The following ACTA2 variants were observed in gnomAD, a reference collection of about 807,000 sequenced individuals.
ACTA2 encodes the protein actin, aortic smooth muscle.
Under a neutral mutation model 39.5 loss-of-function variants are expected in ACTA2, and 12 were observed. The ratio of observed to expected loss-of-function variants is 0.30; its 90% CI spans 0.19 to 0.49. The LOEUF is 0.49. Ranked by LOEUF, ACTA2 falls within the 20% of genes least tolerant of loss-of-function variation. The pLI, the probability that ACTA2 is intolerant of heterozygous loss-of-function variation, is 0.99. For synonymous variants in ACTA2, 158 were observed against 180.6 expected (o/e 0.88, Z 1.00); for missense variants, 236 against 498.8 (o/e 0.47, Z 5.02).
At chr10:88,937,182 GGAGA>G (rs937538711) in intron 8 of ACTA2, among the ~76,000 whole-genome samples, 2 of 146,176 alleles carry the variant, frequency 1.4e-5, no homozygotes, top group African/African-American at 5.1e-5. Context: ...AGCCTATCAT[GGAGA>G]GAGAAAGTGT....
chr10:88,950,580 A>G (rs1185923598), intron 1 of ACTA2, among the ~76,000 whole-genome samples: 1 of 152,248 alleles, frequency 6.6e-6, no homozygotes, highest in African/African-American at 2.4e-5. Flanking sequence ...TCTTCAACTG[A>G]CAAGGAAACC....
intron 3 of ACTA2, among the ~76,000 whole-genome samples, chr10:88,944,725 A>G (rs1040600545): frequency 2.0e-5 from 3 of 152,226 alleles, no homozygotes; most frequent in Non-Finnish European, 2.9e-5. Context: ...TAGTGTGTCT[A>G]TGTGAAGGTA....
At chr10:88,960,204 T>TA (rs1202252801) in intron 1 of ACTA2, among the ~76,000 whole-genome samples, 1 of 152,190 alleles carries the variant, frequency 6.6e-6, no homozygotes, top group Non-Finnish European at 1.5e-5. Context: ...TTATCCAGAA[T>TA]AAAAATCTAT....
chr10:88,940,738 C>G (rs903822491), intron 6 of ACTA2: 9 of 218,836 alleles, frequency 4.1e-5, no homozygotes, highest in African/African-American at 2.0e-4. Flanking sequence ...TACTCTATGT[C>G]AAGTATTCCA....
intron 1 of ACTA2, among the ~76,000 whole-genome samples, chr10:88,986,335 T>C (rs955492140): frequency 5.9e-5 from 9 of 152,276 alleles, no homozygotes; most frequent in African/African-American, 1.9e-4. Context: ...TATGCAAAAA[T>C]GTCAGGGGAG....
intron 1 of ACTA2, among the ~76,000 whole-genome samples, chr10:88,978,588 A>G (rs1308851120): frequency 1.3e-5 from 2 of 152,144 alleles, no homozygotes; most frequent in Non-Finnish European, 2.9e-5. Flanking sequence ...ATTGAAAGCC[A>G]ATCTCAATGG....
Position 88,973,274 on chromosome 10 carries a change from G to A in ACTA2, c.-24+17665C>T, listed in dbSNP as rs374336365. 1.2e-5 allele frequency: 20 copies of A among 1,612,328 alleles called. No individual in the cohort carries two copies. The African/African-American group carries it at 1.3e-4, about 11-fold the overall frequency. On this transcript the variant is annotated intron_variant, in intron 1 of 4. Coordinates refer to the ACTA2 transcript ENST00000415557. ...ATGGACCAAATGGATTCCCACTCTT[G>A]GGGATCTCTAGGTCATCATCACCAT... is the stretch of plus-strand genomic sequence containing the variant.
At chr10:88,979,637 A>T (rs1846660584) in intron 1 of ACTA2, among the ~76,000 whole-genome samples, 1 of 152,086 alleles carries the variant, frequency 6.6e-6, no homozygotes. Flanking sequence ...AAGTCTACAT[A>T]ACCTGAGAGA....
chr10:88,935,934 G>A (rs1307965073), intron 8 of ACTA2, among the ~76,000 whole-genome samples: 1 of 152,108 alleles, frequency 6.6e-6, no homozygotes, highest in East Asian at 1.9e-4. Flanking sequence ...CTTTCCCAGT[G>A]CACAGGCCTA....
chr10:88,938,333 G>T, intron 7 of ACTA2, 91 bp from the exon 8 acceptor site: 1 of 1,391,212 alleles, frequency 7.2e-7, no homozygotes, highest in Non-Finnish European at 1.0e-6. Context: ...GGATGATCTT[G>T]CAGTGGACTG....
chr10:88,980,866 A>G (rs900244934), intron 1 of ACTA2, among the ~76,000 whole-genome samples: 1 of 152,134 alleles, frequency 6.6e-6, no homozygotes, highest in African/African-American at 2.4e-5. Context: ...ATTTTCCCAG[A>G]CTCCAAATGC....
Position 88,959,234 on chromosome 10 carries a change from G to A in ACTA2, c.-23-10281C>T, listed in dbSNP as rs564027159. The stretch of plus-strand genomic sequence containing the variant: ...ACTGACTTCCATATTGGACAGCACA[G>A]GAGTAATAAGTTTTAAATTTGGCTG... On this transcript the variant is annotated intron_variant, in intron 1 of 4. Transcript: ENST00000415557. Among the ~76,000 whole-genome samples, 25 of 152,256 alleles carry A rather than the reference G, an allele frequency of 1.6e-4. 1 individual carries two copies. In the South Asian group the frequency reaches 5.2e-3, roughly 32 times the overall value.
At chr10:88,971,428 C>T (rs1846444865) in intron 1 of ACTA2, among the ~76,000 whole-genome samples, 1 of 152,168 alleles carries the variant, frequency 6.6e-6, no homozygotes, top group Middle Eastern at 3.2e-3. Flanking sequence ...TTTGGCAACA[C>T]GGCCCATTTA....
intron 1 of ACTA2, among the ~76,000 whole-genome samples, chr10:88,986,473 T>C (rs10788624): frequency 0.15 from 23,100 of 152,174 alleles, 2,094 homozygotes; most frequent in East Asian, 0.43. Context: ...TTTTCAGTCA[T>C]TGCTCAAGAG....
At chr10:88,972,980 T>C (rs528476403) in intron 1 of ACTA2, among the ~76,000 whole-genome samples, 2 of 152,352 alleles carry the variant, frequency 1.3e-5, no homozygotes, top group African/African-American at 4.8e-5. Flanking sequence ...GGCCAATCTA[T>C]TGAAAAGAAA....
At chr10:88,953,146 A>G (rs114711899), upstream of ACTA2, among the ~76,000 whole-genome samples, 2,900 of 152,328 alleles carry the variant, frequency 0.019, 103 homozygotes, top group African/African-American at 0.067. Context: ...ATTTCCTAAT[A>G]AACTGAGAAC....
At chr10:88,955,607 T>C (rs567650609), upstream of ACTA2, among the ~76,000 whole-genome samples, 2 of 152,338 alleles carry the variant, frequency 1.3e-5, no homozygotes, top group East Asian at 1.9e-4. Flanking sequence ...ATATTCTTTA[T>C]GGGAAATTTG....
intron 1 of ACTA2, among the ~76,000 whole-genome samples, chr10:88,989,288 T>A (rs1847025982): frequency 1.3e-5 from 2 of 152,188 alleles, no homozygotes; most frequent in African/African-American, 4.8e-5. Flanking sequence ...CTTCCATTCC[T>A]TCTTCCCTTA....
chr10:88,951,581 G>A (rs1042243928), intron 1 of ACTA2, among the ~76,000 whole-genome samples: 10 of 152,182 alleles, frequency 6.6e-5, no homozygotes, highest in African/African-American at 1.9e-4. Flanking sequence ...AGAAGTCACT[G>A]TGTCCCCGGA....
Sources: gnomAD v4.1 joint callset for allele counts (sites outside exome capture counted in the v4.1 genomes callset) on GRCh38, gnomAD v4.1.1 for gene constraint, MANE v1.5 for transcripts, NCBI Gene and HGNC (gene_info 2026-07-23, HGNC 2026-07-21) for gene names.